ZNF91: variants seen among roughly 807,000 people sequenced by gnomAD.
ZNF91 encodes zinc finger protein 91.
A neutral mutation model predicts 12.6 loss-of-function variants in ZNF91; 7 were observed. That is an observed-to-expected ratio of 0.55 (90% CI 0.31 to 1.04). The LOEUF is 1.04. Ranked by LOEUF, ZNF91 falls within the 50% of genes least tolerant of loss-of-function variation. ZNF91 has a pLI of 0.05. For synonymous variants in ZNF91, 453 were observed against 462.6 expected, an observed-to-expected ratio of 0.98 and a Z score of 0.27; for missense variants, 1,217 against 1,385.4, an observed-to-expected ratio of 0.88 and a Z score of 1.93.
At chr19:23,395,054 G>A (rs113540154) in intron 1 of ZNF91, among the ~76,000 whole-genome samples, 1 of 152,336 alleles carries the variant, frequency 6.6e-6, no homozygotes, top group South Asian at 2.1e-4. Context: ...ATCTGGGAGA[G>A]ACGCGGCGCT....
chr19:23,338,142 A>C (rs1169633226), downstream of ZNF91: 2 of 152,188 alleles, frequency 1.3e-5, no homozygotes, highest in African/African-American at 2.4e-5. Flanking sequence ...ATACACAGGA[A>C]GCTCAGCAAA....
chr19:23,360,043 G>A lies in ZNF91; in HGVS notation c.2936C>T (p.Ser979Leu), dbSNP rs1461417817. 3 of 1,613,278 alleles carry A rather than the reference G, an allele frequency of 1.9e-6. No homozygotes were observed. Among genetic ancestry groups the A allele is most frequent in the African/African-American group, 1.3e-5 (1 of 74,922 alleles). ...AATTATCTTATGTTCAGTAAGAGTT[G>A]AAGATTTCCTAAAAGCTTTGCCACA... ...EECGKAFRKS[S>L]TLTEHKIIHT... is the part of the protein sequence containing the mutation. The change falls in exon 4 of 4, where the codon TCA becomes TTA. Residue 979 changes from serine to leucine, a missense_variant. Physicochemically the swap from Ser to Leu is moderately radical, Grantham distance 145. Around this residue, in one of 2 missense-constraint regions of ZNF91, gnomAD observed 491 missense variants for 489.8 expected, o/e 1.00. Transcript: ENST00000300619.
intron 1 of ZNF91, among the ~76,000 whole-genome samples, chr19:23,387,105 C>T (rs1471123084): frequency 6.6e-6 from 1 of 152,146 alleles, no homozygotes; most frequent in African/African-American, 2.4e-5. Flanking sequence ...GAGATACCAT[C>T]CACACCAGTG....
chr19:23,390,519 G>A (rs934907658), intron 1 of ZNF91, among the ~76,000 whole-genome samples: 6 of 152,088 alleles, frequency 3.9e-5, no homozygotes, highest in East Asian at 1.9e-4. Context: ...CACCACGCCC[G>A]ACTAATTTTT....
At chr19:23,366,218 A>C (rs1174719227) in intron 3 of ZNF91, among the ~76,000 whole-genome samples, 1 of 151,432 alleles carries the variant, frequency 6.6e-6, no homozygotes, top group African/African-American at 2.4e-5. Context: ...CCTCCCTCCC[A>C]GATGGGGCGG....
downstream of ZNF91, among the ~76,000 whole-genome samples, chr19:23,334,675 A>G (rs2145874479): frequency 6.6e-6 from 1 of 152,364 alleles, no homozygotes; most frequent in South Asian, 2.1e-4. Flanking sequence ...AGACAATTTT[A>G]GAAGGGACGG....
chr19:23,390,713 A>G (rs1970037140), intron 1 of ZNF91, among the ~76,000 whole-genome samples: 1 of 151,752 alleles, frequency 6.6e-6, no homozygotes, highest in Admixed American at 6.6e-5. Context: ...GGCGTGTGCC[A>G]CCATGCCTAA....
intron 3 of ZNF91, among the ~76,000 whole-genome samples, chr19:23,348,978 C>T (rs999867704): frequency 6.6e-6 from 1 of 152,106 alleles, no homozygotes; most frequent in Admixed American, 6.5e-5. Context: ...CCCTGGTCTC[C>T]TGCAGTGTCT....
chr19:23,369,479 C>T (rs1294175494), intron 3 of ZNF91, among the ~76,000 whole-genome samples: 2 of 152,096 alleles, frequency 1.3e-5, no homozygotes, highest in Admixed American at 6.5e-5. Context: ...AGCCCCTCTG[C>T]CCGGCCACCA....
intron 1 of ZNF91, among the ~76,000 whole-genome samples, chr19:23,392,931 C>T (rs980688347): frequency 9.9e-5 from 15 of 152,204 alleles, no homozygotes; most frequent in African/African-American, 3.6e-4. Context: ...ATCCTGCTCA[C>T]TTAAGTGCTC....
chr19:23,384,925 G>A (rs1482470814), intron 1 of ZNF91: 1 of 786,924 alleles, frequency 1.3e-6, no homozygotes, highest in Non-Finnish European at 2.3e-6. Flanking sequence ...TTCCAAACAG[G>A]AGTCCTTTCG....
At chr19:23,332,181 T>G (rs1967938795) in intron 1 of ZNF91, among the ~76,000 whole-genome samples, 1 of 152,208 alleles carries the variant, frequency 6.6e-6, no homozygotes, top group Non-Finnish European at 1.5e-5. Flanking sequence ...CTATTATTAA[T>G]CGATAGGAAT....
Position 23,359,336 on chromosome 19 carries a change from C to T in ZNF91, c.*67G>A, listed in dbSNP as rs1185749327. 1.5e-5 allele frequency: 9 copies of T among 601,444 alleles called. No individual in the cohort carries two copies. Among genetic ancestry groups the T allele is most frequent in the Admixed American group, 8.9e-5 (3 of 33,778 alleles). 37.3% of individuals were successfully genotyped at this position (601,444 alleles called of 1,614,324 possible). A position where few individuals can be genotyped will look rare whatever the true frequency, so the allele number is the denominator to read the frequency against. ...CTCCCGGGTTCACGCCATTCTCCTG[C>T]CTCAGCCTCTCGCATAGCTGGGACT... On this transcript the variant is annotated 3_prime_UTR_variant, in exon 4 of 4. Coordinates refer to ENST00000300619, the MANE Select transcript of ZNF91 (RefSeq NM_003430.4).
At chr19:23,381,464 T>C (rs971058324) in intron 1 of ZNF91, among the ~76,000 whole-genome samples, 7 of 71,756 alleles carry the variant, frequency 9.8e-5, no homozygotes, top group Admixed American at 2.8e-4. Context: ...TTCTTTCTCT[T>C]TTTTTTTTTT....
At chr19:23,307,956 G>A (rs751341535) in intron 2 of ZNF91, 1 of 152,238 alleles carries the variant, frequency 6.6e-6, no homozygotes, top group Non-Finnish European at 1.5e-5. Flanking sequence ...CAACACCTAG[G>A]TGATGTGACT....
chr19:23,309,745 C>A (rs1967444302), intron 1 of ZNF91, among the ~76,000 whole-genome samples: 1 of 152,094 alleles, frequency 6.6e-6, no homozygotes, highest in Admixed American at 6.6e-5. Flanking sequence ...TGGGTAAGAT[C>A]CTGGGTTTCC....
chr19:23,355,654 G>T (rs1479636428), downstream of ZNF91, among the ~76,000 whole-genome samples: 2 of 152,204 alleles, frequency 1.3e-5, no homozygotes, highest in African/African-American at 2.4e-5. Context: ...ACAGTCAGCA[G>T]AGTAAACAGA....
chr19:23,329,944 T>G (rs1967898300), intron 1 of ZNF91, among the ~76,000 whole-genome samples: 1 of 152,130 alleles, frequency 6.6e-6, no homozygotes, highest in South Asian at 2.1e-4. Flanking sequence ...AGATTTCTGC[T>G]CCTGAGAAAA....
chr19:23,320,257 G>A (rs1967660633), intron 1 of ZNF91, among the ~76,000 whole-genome samples: 1 of 152,186 alleles, frequency 6.6e-6, no homozygotes, highest in Admixed American at 6.5e-5. Flanking sequence ...GCCAATTGGG[G>A]AGGTGTTGAC....
Sources: gnomAD v4.1 joint callset for allele counts (sites outside exome capture counted in the v4.1 genomes callset) on GRCh38, gnomAD v4.1.1 for gene constraint, gnomAD v4.1.1 regional missense constraint, MANE v1.5 for transcripts, NCBI Gene and HGNC (gene_info 2026-07-23, HGNC 2026-07-21) for gene names.